SPAG9: variants seen among roughly 807,000 people sequenced by gnomAD.
SPAG9 encodes the protein sperm associated antigen 9.
A neutral mutation model predicts 166.5 loss-of-function variants in SPAG9; 35 were observed. The observed-to-expected ratio is 0.21, with a 90% CI of 0.16 to 0.28. The LOEUF is 0.28. SPAG9 is among the 10% of genes least tolerant of loss of function. The pLI is 1.00. For synonymous variants in SPAG9, 534 were observed against 565.5 expected (o/e 0.94, Z 0.79); for missense variants, 1,235 against 1,603.3 (o/e 0.77, Z 3.92).
chr17:51,075,195 CAAAAAAAAAA>C (rs57533555), intron 2 of SPAG9, among the ~76,000 whole-genome samples: 48 of 28,952 alleles, frequency 1.7e-3, no homozygotes, highest in South Asian at 2.7e-3. Flanking sequence ...GACTCCATCT[CAAAAAAAAAA>C]AAAAAAAAAA....
chr17:50,973,770 G>C (rs1178248051), intron 28 of SPAG9, among the ~76,000 whole-genome samples: 2 of 152,180 alleles, frequency 1.3e-5, no homozygotes, highest in Non-Finnish European at 2.9e-5. Context: ...AGAAGAAAAA[G>C]ACTGAGGGAT....
chr17:50,970,142 A>G, intron 29 of SPAG9, among the ~76,000 whole-genome samples: 1 of 152,186 alleles, frequency 6.6e-6, no homozygotes, highest in Non-Finnish European at 1.5e-5. Flanking sequence ...CCTAAATCCT[A>G]TGCTTTTCAC....
intron 1 of SPAG9, among the ~76,000 whole-genome samples, chr17:51,112,779 G>A (rs1382864741): frequency 6.7e-6 from 1 of 149,358 alleles, no homozygotes; most frequent in Non-Finnish European, 1.5e-5. Flanking sequence ...AGTGAGTTCA[G>A]CTTGCATAAC....
chr17:51,055,066 G>A (rs1413673591), intron 3 of SPAG9, among the ~76,000 whole-genome samples: 7 of 152,078 alleles, frequency 4.6e-5, no homozygotes. Flanking sequence ...AAACAGCAAC[G>A]TCCAGGCACA....
chr17:51,120,720 C>A lies in SPAG9; in HGVS notation c.-64G>T. 7.1e-7 allele frequency: 1 copy of A among 1,408,100 alleles called. No individual in the cohort carries two copies. The highest frequency in any genetic ancestry group is 9.5e-7 in the Non-Finnish European group (1 of 1,047,908). The allele number at this position is 1,408,100 out of a possible 1,614,324, so 87.2% of individuals were successfully genotyped here. A position where few individuals can be genotyped will look rare whatever the true frequency, so the allele number is the denominator to read the frequency against. ...GGCAGAGGGGCGGCACCTGCCCGCACGGGACGGACCCGACTCGGGCTGGGA... is the reference window on the plus strand; with the variant it reads ...GGCAGAGGGGCGGCACCTGCCCGCAAGGGACGGACCCGACTCGGGCTGGGA... On this transcript the variant is annotated 5_prime_UTR_variant, in exon 1 of 30. Transcript: ENST00000262013. This position sits in a 1 kb window ranked among gnomAD's most constrained non-coding sequence, Gnocchi z 4.7.
intron 6 of SPAG9, among the ~76,000 whole-genome samples, chr17:51,024,745 T>C (rs527671840): frequency 2.0e-5 from 3 of 150,580 alleles, no homozygotes; most frequent in Admixed American, 6.6e-5. Context: ...CAATACTTCA[T>C]GTATGCCTGT....
chr17:51,068,049 T>C (rs573202425), intron 2 of SPAG9, among the ~76,000 whole-genome samples: 82 of 152,310 alleles, frequency 5.4e-4, no homozygotes, highest in African/African-American at 1.9e-3. Flanking sequence ...CCTGCTAGAA[T>C]GCCATATCCA....
At chr17:50,995,790 G>A in intron 16 of SPAG9, 1 of 369,606 alleles carries the variant, frequency 2.7e-6, no homozygotes, top group Non-Finnish European at 4.9e-6. Flanking sequence ...CAGCCTCCAA[G>A]GTAGCTGGGA....
At chr17:51,040,508 T>C (rs891106092) in intron 5 of SPAG9, 1 of 152,188 alleles carries the variant, frequency 6.6e-6, no homozygotes, top group Admixed American at 6.5e-5. Flanking sequence ...ACCACTTATA[T>C]TGTCCCCAAA....
intron 2 of SPAG9, among the ~76,000 whole-genome samples, chr17:51,065,168 T>C (rs925354388): frequency 1.3e-5 from 2 of 152,168 alleles, no homozygotes; most frequent in Non-Finnish European, 2.9e-5. Context: ...GTGGATTTTA[T>C]GATATGTGAA....
At chr17:50,989,579 A>C in intron 21 of SPAG9, 98 bp downstream of exon 21, 1 of 903,538 alleles carries the variant, frequency 1.1e-6, no homozygotes, top group Non-Finnish European at 1.8e-6. Flanking sequence ...CCACAGTGAC[A>C]CTAATTAGTG....
chr17:51,074,190 C>CT (rs2047903102), intron 2 of SPAG9, among the ~76,000 whole-genome samples: 1 of 151,384 alleles, frequency 6.6e-6, no homozygotes, highest in Non-Finnish European at 1.5e-5. Flanking sequence ...GAGCCGAGAT[C>CT]ACACCACTGC....
chr17:50,982,636 T>G lies in SPAG9; in HGVS notation c.3125A>C (p.Asp1042Ala), dbSNP rs1262821104. 1 of 1,612,924 alleles carries G rather than the reference T, an allele frequency of 6.2e-7. No individual in the cohort carries two copies. Among genetic ancestry groups the G allele is most frequent in the South Asian group, 1.1e-5 (1 of 90,680 alleles). The change falls in exon 25 of 30, where the codon GAC (aspartate) becomes GCC (alanine). Residue 1042 changes from aspartate (D) to alanine (A), a missense_variant. This residue lies in a region of SPAG9 where 493 missense variants were observed against 559.4 expected (regional missense o/e 0.88). Coordinates refer to ENST00000262013, the MANE Select transcript of SPAG9 (RefSeq NM_001130528.3). ...QWDLSNYHLL[D>A]LGRPHHSIRC... ...GATGGAATGATGAGGCCGTCCAAGG[T>G]CTAAGAGGTGATAGTTTGACAAATC... is the stretch of plus-strand genomic sequence containing the variant.
chr17:51,056,308 T>C (rs1344772248), intron 3 of SPAG9, 104 bp downstream of exon 3: 1 of 719,546 alleles, frequency 1.4e-6, no homozygotes, highest in Non-Finnish European at 2.4e-6. Context: ...AGAATTATTC[T>C]TTTTTAAAAA....
chr17:51,084,941 C>T (rs2048267192), intron 1 of SPAG9, among the ~76,000 whole-genome samples: 1 of 152,092 alleles, frequency 6.6e-6, no homozygotes. Context: ...GCCTCCACCT[C>T]CCAGGTTCAA....
At chr17:51,046,160 T>A (rs993138647) in intron 4 of SPAG9, among the ~76,000 whole-genome samples, 1 of 152,174 alleles carries the variant, frequency 6.6e-6, no homozygotes, top group African/African-American at 2.4e-5. Context: ...CCCTAAATGC[T>A]CAGAAGCTAA....
At chr17:51,109,013 C>T (rs2049030368) in intron 1 of SPAG9, among the ~76,000 whole-genome samples, 1 of 151,590 alleles carries the variant, frequency 6.6e-6, no homozygotes, top group Admixed American at 6.6e-5. Flanking sequence ...CAGACGTGCA[C>T]CACCAAGCCC....
chr17:51,028,557 A>G (rs2046275940), intron 6 of SPAG9, among the ~76,000 whole-genome samples: 1 of 152,240 alleles, frequency 6.6e-6, no homozygotes, highest in South Asian at 2.1e-4. Context: ...TTGCAGCCTA[A>G]GAGCAACAGG....
At position 51,077,029 on chromosome 17, in the gene SPAG9, T is replaced by TCTAG. The variant is rs1442787507; in HGVS notation, c.424+2554_424+2555insCTAG. ...AGCTAGCTAGCTAGCTATCTAGCTA[T>TCTAG]CTATCTAGCTATCTAGCTATCTAGC... On this transcript the variant is annotated intron_variant, in intron 2 of 29. Coordinates refer to ENST00000262013, the MANE Select transcript of SPAG9 (RefSeq NM_001130528.3). 5.0e-3 allele frequency among the ~76,000 whole-genome samples: 321 copies of TCTAG among 64,806 alleles called. 3 individuals carry two copies. Among genetic ancestry groups the TCTAG allele is most frequent in the East Asian group, 0.019 (42 of 2,262 alleles). The allele number at this position is 64,806 out of a possible 152,430, so 42.5% of individuals were successfully genotyped here.
Sources: gnomAD v4.1 joint callset for allele counts (sites outside exome capture counted in the v4.1 genomes callset) on GRCh38, gnomAD v4.1.1 for gene constraint, gnomAD v4.1.1 regional missense constraint, Gnocchi (gnomAD v3.1) non-coding constraint, MANE v1.5 for transcripts, NCBI Gene and HGNC (gene_info 2026-07-23, HGNC 2026-07-21) for gene names.